ZNF768: variants seen among roughly 807,000 people sequenced by gnomAD.
The protein encoded by ZNF768 is zinc finger protein 768.
In ZNF768, 12 loss-of-function variants were observed where a neutral mutation model predicts 39.7. The observed-to-expected ratio is 0.30, with a 90% confidence interval of 0.19 to 0.49. The LOEUF (loss-of-function observed/expected upper bound fraction) is 0.49, where lower values mean the gene tolerates loss of function less well. Among genes scored for constraint, ZNF768 ranks in the 20% least tolerant of loss-of-function variants. The pLI, the probability that ZNF768 is intolerant of heterozygous loss-of-function variation, is 0.99. For missense variants in ZNF768, 613 were observed against 723.2 expected, an observed-to-expected ratio of 0.85 and a Z score of 1.75; for synonymous variants, 360 against 288.4, an observed-to-expected ratio of 1.25 and a Z score of -2.52.
At chr16:30,526,261 C>T in intron 1 of ZNF768, 65 bp downstream of exon 1, 4 of 1,598,768 alleles carry the variant, frequency 2.5e-6, no homozygotes, top group Non-Finnish European at 3.4e-6. Flanking sequence ...CTCGCTCCCT[C>T]CCTGGAGCCA....
chr16:30,525,179 G>C lies in ZNF768; in HGVS notation c.961C>G (p.Arg321Gly). Residue 321 changes from arginine to glycine, a missense_variant, in exon 2 of 2, where the codon CGT becomes GGT. Physicochemically the swap from Arg to Gly is moderately radical, Grantham distance 125. Coordinates refer to ENST00000380412, the MANE Select transcript of ZNF768 (RefSeq NM_024671.4). ...HTGERPYKCP[R>G]CGKAFADSSY... The stretch of plus-strand genomic sequence containing the variant: ...CTGTCGGCGAAGGCCTTGCCGCAAC[G>C]GGGACATTTGTAGGGCCGCTCGCCA... 6.2e-7 allele frequency: 1 copy of C among 1,612,044 alleles called. No homozygotes were observed. The highest frequency in any genetic ancestry group is 8.5e-7 in the Non-Finnish European group (1 of 1,179,328).
Position 30,524,215 on chromosome 16 carries a change from C to G in ZNF768, c.*302G>C. ...CTCTAATTAGGTAATCCCCTGCCCT[C>G]CCCCCTCCCTGCTCTAGCAGTTGCC... On this transcript the variant is annotated 3_prime_UTR_variant, in exon 2 of 2. Transcript: ENST00000380412. 1 of 229,418 alleles carries G rather than the reference C, an allele frequency of 4.4e-6. No individual in the cohort carries two copies. The highest frequency in any genetic ancestry group is 8.6e-6 in the Non-Finnish European group (1 of 116,000). 14.2% of individuals were successfully genotyped at this position (229,418 alleles called of 1,614,324 possible). A position where few individuals can be genotyped will look rare whatever the true frequency, so the allele number is the denominator to read the frequency against.
At chr16:30,527,290 C>T, upstream of ZNF768, 1 of 986,326 alleles carries the variant, frequency 1.0e-6, no homozygotes, top group Non-Finnish European at 1.2e-6. Flanking sequence ...TCCCGTTCCT[C>T]CGGCCCCCAC....
rs750011148 is a variant in ZNF768, at chr16:30,524,779, C to T, written c.1361G>A (p.Gly454Asp). The T allele has an allele frequency of 4.3e-6, 7 of 1,611,028 alleles. No homozygotes were observed. Among genetic ancestry groups the T allele is most frequent in the Non-Finnish European group, 5.9e-6 (7 of 1,179,306 alleles). Residue 454 changes from glycine to aspartate, a missense_variant, in exon 2 of 2, where the codon GGC becomes GAC. Physicochemically the swap from Gly to Asp is moderately conservative, Grantham distance 94. Transcript: ENST00000380412. ...GCAGTCGGGGCAGCTGTAGGTGCGGCCTGGCAGGTGGGTGCGGGCGTGGAT... is the reference window on the plus strand; with the variant it reads ...GCAGTCGGGGCAGCTGTAGGTGCGGTCTGGCAGGTGGGTGCGGGCGTGGAT... ...LAIHARTHLP[G>D]RTYSCPDCGK... is the part of the protein sequence containing the mutation.
upstream of ZNF768, chr16:30,527,206 C>T: frequency 1.3e-5 from 13 of 985,486 alleles, no homozygotes; most frequent in Non-Finnish European, 1.4e-5. Flanking sequence ...ACGGACTCCC[C>T]TTGGCCTCGC....
chr16:30,531,069 A>T (rs1312802962), upstream of ZNF768: 1 of 152,282 alleles, frequency 6.6e-6, no homozygotes, highest in Non-Finnish European at 1.5e-5. Context: ...GACAGCAAAG[A>T]TGGTGCGTAC....
rs1354344689 is a variant in ZNF768, at chr16:30,524,530, G to A, written c.1610C>T (p.Ala537Val). 3.7e-6 allele frequency: 6 copies of A among 1,608,002 alleles called. No homozygotes were observed. Among genetic ancestry groups the A allele is most frequent in the South Asian group, 3.3e-5 (3 of 90,874 alleles). ...TGGGGCCCCAGGTCAGCGCCGGCCC[G>A]CCGCGTGGGTCCGCTGGTGGCGGAT... ...DLIRHQRTHA[A>V]GRR The change falls in exon 2 of 2, where the codon GCG (alanine) becomes GTG (valine). Residue 537 changes from alanine (A) to valine (V), a missense_variant. Physicochemically the swap from Ala to Val is moderately conservative, Grantham distance 64 (BLOSUM62 0). Transcript: ENST00000380412.
At chr16:30,526,760 G>A (rs997085314), upstream of ZNF768, 5 of 77,198 alleles carry the variant, frequency 6.5e-5, no homozygotes, top group Non-Finnish European at 7.8e-5. Flanking sequence ...CCCCGGCCCC[G>A]GGCTGGGCTG....
chr16:30,529,084 C>T (rs1487246067), upstream of ZNF768, among the ~76,000 whole-genome samples: 2 of 152,218 alleles, frequency 1.3e-5, no homozygotes, highest in Non-Finnish European at 2.9e-5. Context: ...AAGAGTGGCT[C>T]ACTTCCAGCC....
upstream of ZNF768, chr16:30,527,353 GA>G (rs1439289934): frequency 1.0e-6 from 1 of 974,338 alleles, no homozygotes; most frequent in African/African-American, 1.8e-5. Context: ...CGAGGGCTAG[GA>G]TAGTTGCCAA....
rs2051317989 is a variant in ZNF768 at position 30,525,869 on chromosome 16, G to A, written c.271C>T (p.Pro91Ser). 2.0e-6 allele frequency: 3 copies of A among 1,521,200 alleles called. No individual in the cohort carries two copies. The highest frequency in any genetic ancestry group is 1.4e-5 in the African/African-American group (1 of 71,768). 94.2% of individuals were successfully genotyped at this position (1,521,200 alleles called of 1,614,324 possible). The change falls in exon 2 of 2, where the codon CCT (proline) becomes TCT (serine). Residue 91 changes from proline to serine, a missense_variant. Coordinates refer to ENST00000380412, the MANE Select transcript of ZNF768 (RefSeq NM_024671.4). ...TCAGGGCTTGGGGGCACAAGCCCAG[G>A]GCTTCGGGACTCAAACCCCGGGCTT... is the stretch of plus-strand genomic sequence containing the variant. Reference protein sequence around the residue: ...PESPGFESRSPGLVPPSPEFA... With the variant: ...PESPGFESRSSGLVPPSPEFA...
the ZNF768 span, chr16:30,532,392 G>A: frequency 3.1e-6 from 4 of 1,302,864 alleles, no homozygotes; most frequent in Admixed American, 6.1e-5. Flanking sequence ...CCCCAGGCCA[G>A]CTCTTGCGGT....
upstream of ZNF768, chr16:30,526,782 G>T: frequency 4.8e-6 from 1 of 209,604 alleles, no homozygotes; most frequent in East Asian, 2.7e-4. Context: ...ACTGTCCAAC[G>T]GCCGCCCAGC....
At position 30,524,436 on chromosome 16, in the gene ZNF768, C is replaced by G; in HGVS notation, c.*81G>C. The G allele has an allele frequency of 6.6e-7, 1 of 1,511,226 alleles. No individual in the cohort carries two copies. Among genetic ancestry groups the G allele is most frequent in the Non-Finnish European group, 8.8e-7 (1 of 1,139,672 alleles). 93.6% of individuals were successfully genotyped at this position (1,511,226 alleles called of 1,614,324 possible). A position where few individuals can be genotyped will look rare whatever the true frequency, so the allele number is the denominator to read the frequency against. ...CTCCTCCATTCTCCTGCGGCTTCTC[C>G]ACTATCCTCCCTAAAGGTTCCTCTA... On this transcript the variant is annotated 3_prime_UTR_variant, in exon 2 of 2. Transcript: ENST00000380412.
chr16:30,527,195 G>A (rs2051335515), upstream of ZNF768: 4 of 985,396 alleles, frequency 4.1e-6, no homozygotes, highest in East Asian at 4.6e-4. Context: ...CGGGAACCGG[G>A]ACGGACTCCC....
Position 30,524,231 on chromosome 16 carries a change from A to C in ZNF768, c.*286T>G, listed in dbSNP as rs1597117085. On this transcript the variant is annotated 3_prime_UTR_variant, in exon 2 of 2. Coordinates refer to ENST00000380412, the MANE Select transcript of ZNF768 (RefSeq NM_024671.4). ...CCCTGCCCTCCCCCCTCCCTGCTCTAGCAGTTGCCAAGCCAGGCACCCACC... is the reference window on the plus strand; with the variant it reads ...CCCTGCCCTCCCCCCTCCCTGCTCTCGCAGTTGCCAAGCCAGGCACCCACC... 2.4e-4 allele frequency: 38 copies of C among 160,748 alleles called. No individual in the cohort carries two copies. Among genetic ancestry groups the C allele is most frequent in the South Asian group, 8.4e-4 (9 of 10,710 alleles). The allele number at this position is 160,748 out of a possible 1,614,324, so 10.0% of individuals were successfully genotyped here.
upstream of ZNF768, among the ~76,000 whole-genome samples, chr16:30,529,253 G>A (rs2051350980): frequency 6.6e-6 from 1 of 152,270 alleles, no homozygotes; most frequent in South Asian, 2.1e-4. Flanking sequence ...CAAGGCAGGA[G>A]AAACTTGGGG....
In ZNF768 at chr16:30,525,957, C is replaced by A. The variant is rs2051319027; in HGVS notation, c.183G>T (p.Gln61His). 6.6e-7 allele frequency: 1 copy of A among 1,511,288 alleles called. No individual in the cohort carries two copies. 93.6% of individuals were successfully genotyped at this position (1,511,288 alleles called of 1,614,324 possible). ...VEEIPFGLEPQSPGFEPQSPE... is the reference protein window; with the variant it reads ...VEEIPFGLEPHSPGFEPQSPE... ...GGCTTTGTGGCTCAAACCCAGGGCT[C>A]TGGGGTTCAAGCCCAAATGGTATCT... The change falls in exon 2 of 2, where the codon CAG (glutamine) becomes CAT (histidine). Residue 61 changes from glutamine to histidine, a missense_variant. Physicochemically the swap from Gln to His is conservative, Grantham distance 24. Transcript: ENST00000380412.
At chr16:30,530,051 G>A (rs560153022), upstream of ZNF768, among the ~76,000 whole-genome samples, 3 of 151,882 alleles carry the variant, frequency 2.0e-5, no homozygotes, top group South Asian at 2.1e-4. This position sits in a 1 kb window ranked among gnomAD's most constrained non-coding sequence, Gnocchi z 4.4. Flanking sequence ...GGATGGTCTC[G>A]GTCTCCTGAC....
Sources: allele counts gnomAD v4.1 joint callset (sites outside exome capture counted in the v4.1 genomes callset), GRCh38; gene constraint gnomAD v4.1.1; non-coding constraint Gnocchi (gnomAD v3.1); transcripts MANE v1.5; gene names NCBI Gene and HGNC (gene_info 2026-07-23, HGNC 2026-07-21).